The following RPL26L1 variants were observed in gnomAD, a reference collection of about 807,000 sequenced individuals.
The protein encoded by RPL26L1 is ribosomal protein uL24-like.
A neutral mutation model predicts 15.2 loss-of-function variants in RPL26L1; 8 were observed. The observed-to-expected ratio is 0.53, with a 90% confidence interval of 0.31 to 0.95. The LOEUF (loss-of-function observed/expected upper bound fraction) is 0.95. Among genes scored for constraint, RPL26L1 ranks in the 40% least tolerant of loss-of-function variants. RPL26L1 has a pLI of 0.05. For synonymous variants in RPL26L1, 51 were observed against 65.9 expected (o/e 0.77, Z 1.09); for missense variants, 146 against 190.9 (o/e 0.76, Z 1.39).
intron 2 of RPL26L1, among the ~76,000 whole-genome samples, chr5:172,966,342 T>TTG (rs869287783): frequency 2.1e-5 from 3 of 141,424 alleles, no homozygotes; most frequent in African/African-American, 5.5e-5. Flanking sequence ...TTTTTTTTTT[T>TTG]GTAGAGACGG....
chr5:172,958,960 C>A (rs1213759665), upstream of RPL26L1: 1 of 153,286 alleles, frequency 6.5e-6, no homozygotes, highest in Non-Finnish European at 1.5e-5. Context: ...CGGCGGCTCA[C>A]GCCTGTAATC....
rs189092922 is a variant in RPL26L1 at position 172,967,779 on chromosome 5, C to T, written c.169-680C>T. Among the ~76,000 whole-genome samples, 27 of 148,276 alleles carry T rather than the reference C, an allele frequency of 1.8e-4. No homozygotes were observed. In the East Asian group the frequency reaches 4.9e-3, roughly 27 times the overall value. On this transcript the variant is annotated intron_variant, in intron 2 of 3. Coordinates refer to ENST00000265100, the MANE Select transcript of RPL26L1 (RefSeq NM_016093.4). ...ATATATACATATATACACATATATA[C>T]GTATGTATACACATATATGTATATA... is the stretch of plus-strand genomic sequence containing the variant.
intron 2 of RPL26L1, among the ~76,000 whole-genome samples, chr5:172,966,094 A>G (rs566901956): frequency 6.6e-6 from 1 of 151,766 alleles, no homozygotes; most frequent in East Asian, 1.9e-4. Flanking sequence ...CCTCTTCACT[A>G]TGTCCAGAGG....
At chr5:172,956,634 G>T (rs1754982692), upstream of RPL26L1, among the ~76,000 whole-genome samples, 1 of 152,042 alleles carries the variant, frequency 6.6e-6, no homozygotes, top group South Asian at 2.1e-4. Flanking sequence ...TTGTGCTAAG[G>T]GTTCATTTAA....
chr5:172,958,229 A>C (rs1411108832), upstream of RPL26L1: 5 of 388,616 alleles, frequency 1.3e-5, no homozygotes, highest in East Asian at 3.7e-4. Context: ...GTGCCACTGC[A>C]CTGCAGCCCA....
At chr5:172,959,716 C>T (rs1755144496) in intron 1 of RPL26L1, 149 bp from the exon 2 acceptor site, 1 of 1,107,752 alleles carries the variant, frequency 9.0e-7, no homozygotes, top group African/African-American at 1.6e-5. Flanking sequence ...TCAGACTAGT[C>T]GCATCTCTCT....
intron 2 of RPL26L1, among the ~76,000 whole-genome samples, chr5:172,963,602 G>A (rs1314778581): frequency 5.3e-5 from 8 of 152,096 alleles, no homozygotes; most frequent in Non-Finnish European, 1.0e-4. Flanking sequence ...CTCATTCTTC[G>A]GGTCCTACCT....
chr5:172,965,051 G>A lies in RPL26L1; in HGVS notation c.169-3408G>A, dbSNP rs1212251384. On this transcript the variant is annotated intron_variant, in intron 2 of 3. Transcript: ENST00000265100. The stretch of plus-strand genomic sequence containing the variant: ...ATATAAAGATTAGCTGGGCGTGATG[G>A]CACATGCCTGTAATCCCAGCTACAA... Among the ~76,000 whole-genome samples the A allele has an allele frequency of 2.6e-5, 4 of 152,298 alleles. No individual in the cohort carries two copies. The East Asian group carries it at 5.8e-4, about 22-fold the overall frequency.
chr5:172,956,935 C>A, upstream of RPL26L1: 2 of 273,414 alleles, frequency 7.3e-6, no homozygotes, highest in South Asian at 6.4e-5. Flanking sequence ...GAGACTCTAT[C>A]TCGAAAAAAA....
intron 2 of RPL26L1, among the ~76,000 whole-genome samples, chr5:172,964,898 C>T (rs1394062295): frequency 6.6e-6 from 1 of 152,208 alleles, no homozygotes; most frequent in Non-Finnish European, 1.5e-5. Context: ...AAAGAAATAT[C>T]CCAGGCCTGG....
At chr5:172,959,538 C>G (rs1755135194) in intron 1 of RPL26L1, 70 bp downstream of exon 1, 1 of 1,121,722 alleles carries the variant, frequency 8.9e-7, no homozygotes, top group Admixed American at 4.1e-5. Flanking sequence ...CTATGTGTCG[C>G]GGGAACACAT....
chr5:172,955,125 G>T, upstream of RPL26L1: 4 of 331,736 alleles, frequency 1.2e-5, no homozygotes, highest in South Asian at 4.6e-5. Context: ...AGTAGCTGTG[G>T]TTAGTTTTTT....
upstream of RPL26L1, chr5:172,957,202 A>G: frequency 2.2e-6 from 1 of 456,196 alleles, no homozygotes; most frequent in South Asian, 1.5e-5. Context: ...GCATGTTTCC[A>G]GGGGTGGGCA....
intron 2 of RPL26L1, among the ~76,000 whole-genome samples, chr5:172,966,313 ATTTT>A (rs386405707): frequency 6.4e-4 from 41 of 63,656 alleles, no homozygotes; most frequent in Middle Eastern, 0.011. Flanking sequence ...CTGGCTAACT[ATTTT>A]TTTTTTTTTT....
At chr5:172,965,915 CTA>C (rs969066195) in intron 2 of RPL26L1, among the ~76,000 whole-genome samples, 2 of 152,218 alleles carry the variant, frequency 1.3e-5, no homozygotes, top group African/African-American at 2.4e-5. Context: ...CCAAACTAAA[CTA>C]TTTCCTCCTA....
chr5:172,960,619 T>C (rs1755197468), intron 2 of RPL26L1, among the ~76,000 whole-genome samples: 2 of 152,036 alleles, frequency 1.3e-5, no homozygotes, highest in Non-Finnish European at 2.9e-5. Flanking sequence ...CTGGTAAAGA[T>C]GCAGCGAGTC....
upstream of RPL26L1, chr5:172,959,360 T>C: frequency 1.0e-6 from 1 of 1,001,828 alleles, no homozygotes; most frequent in Non-Finnish European, 1.2e-6. Context: ...GGGGCGCCAT[T>C]CGACTTCGCT....
At chr5:172,959,592 C>T (rs1581603527) in intron 1 of RPL26L1, 124 bp downstream of exon 1, 2 of 1,223,746 alleles carry the variant, frequency 1.6e-6, no homozygotes, top group Non-Finnish European at 2.1e-6. Flanking sequence ...ACCACCCATT[C>T]CTGCCTAACC....
intron 2 of RPL26L1, among the ~76,000 whole-genome samples, chr5:172,967,520 T>G (rs1335470358): frequency 6.6e-6 from 1 of 152,082 alleles, no homozygotes; most frequent in African/African-American, 2.4e-5. Context: ...CCTAATCTAG[T>G]TGGTTTTTGA....
Sources: allele counts gnomAD v4.1 joint callset (sites outside exome capture counted in the v4.1 genomes callset), GRCh38; gene constraint gnomAD v4.1.1; transcripts MANE v1.5; gene names NCBI Gene and HGNC (gene_info 2026-07-23, HGNC 2026-07-21).